EPHA6: variants seen among roughly 807,000 people sequenced by gnomAD.
The protein encoded by EPHA6 is ephrin type-A receptor 6.
Under a neutral mutation model 112.0 loss-of-function variants are expected in EPHA6, and 50 were observed. The observed-to-expected ratio is 0.45, with a 90% confidence interval of 0.36 to 0.56. The LOEUF (loss-of-function observed/expected upper bound fraction) is 0.56. EPHA6 is among the 20% of genes least tolerant of loss of function. EPHA6 has a pLI of 0.00. For missense variants in EPHA6, 1,280 were observed against 1,417.4 expected, an observed-to-expected ratio of 0.90 and a Z score of 1.56; for synonymous variants, 529 against 490.7, an observed-to-expected ratio of 1.08 and a Z score of -1.03.
At chr3:97,710,044 C>A (rs2873395) in intron 14 of EPHA6, among the ~76,000 whole-genome samples, 4 of 152,104 alleles carry the variant, frequency 2.6e-5, no homozygotes, top group East Asian at 1.9e-4. Flanking sequence ...ATTCTTTCAG[C>A]GAAAGTCTAC....
intron 12 of EPHA6, among the ~76,000 whole-genome samples, chr3:97,594,939 T>A (rs1025575022): frequency 1.3e-5 from 2 of 152,196 alleles, no homozygotes. Context: ...ATTTTCTGTA[T>A]CAGTCAAGAA....
At chr3:97,667,415 T>C (rs2030258086) in intron 14 of EPHA6, among the ~76,000 whole-genome samples, 1 of 152,208 alleles carries the variant, frequency 6.6e-6, no homozygotes, top group African/African-American at 2.4e-5. Flanking sequence ...ATTAATCTGA[T>C]GCTCTATAAT....
At chr3:97,250,251 A>G (rs577361526) in intron 5 of EPHA6, among the ~76,000 whole-genome samples, 17 of 152,332 alleles carry the variant, frequency 1.1e-4, no homozygotes, top group Non-Finnish European at 1.0e-4. Context: ...CTATACCTAC[A>G]TTTTCAACAA....
intron 10 of EPHA6, among the ~76,000 whole-genome samples, chr3:97,506,646 G>T (rs933581546): frequency 2.0e-5 from 3 of 152,130 alleles, no homozygotes; most frequent in African/African-American, 7.2e-5. Flanking sequence ...TTTTGGTTAG[G>T]ATTGTCTTGG....
At chr3:97,538,134 A>C (rs2092789153) in intron 11 of EPHA6, among the ~76,000 whole-genome samples, 1 of 152,190 alleles carries the variant, frequency 6.6e-6, no homozygotes. Context: ...TGTGGATTAC[A>C]TAGTGAAAGG....
chr3:97,546,033 T>C (rs2092942211), intron 11 of EPHA6, among the ~76,000 whole-genome samples: 1 of 152,236 alleles, frequency 6.6e-6, no homozygotes, highest in Non-Finnish European at 1.5e-5. Context: ...TGCCAGTCTG[T>C]GCTTTTAATT....
intron 7 of EPHA6, among the ~76,000 whole-genome samples, chr3:97,454,963 CTT>C (rs2090636331): frequency 6.6e-6 from 1 of 151,902 alleles, no homozygotes; most frequent in South Asian, 2.1e-4. Flanking sequence ...GTATATAAGA[CTT>C]TAATTTAAAG....
chr3:97,496,067 A>G (rs1456561154), intron 10 of EPHA6, among the ~76,000 whole-genome samples: 3 of 152,186 alleles, frequency 2.0e-5, no homozygotes, highest in Non-Finnish European at 2.9e-5. Context: ...CGAGGCAGGC[A>G]ATTATGATTT....
intron 3 of EPHA6, among the ~76,000 whole-genome samples, chr3:97,135,786 AAGT>A (rs1320336708): frequency 6.6e-6 from 1 of 151,780 alleles, no homozygotes; most frequent in Non-Finnish European, 1.5e-5. Flanking sequence ...TTGGCTATGT[AAGT>A]AAGTAAACTA....
intron 14 of EPHA6, among the ~76,000 whole-genome samples, chr3:97,684,808 T>C (rs1399444358): frequency 6.6e-6 from 1 of 152,158 alleles, no homozygotes; most frequent in African/African-American, 2.4e-5. Context: ...AATCATCAGA[T>C]ACGTAAAATT....
rs67777487 is a variant in EPHA6 at position 97,085,928 on chromosome 3, C to CATATATATATATATATATATATAT, written c.1114+97956_1114+97957insTATATATATATATATATATATATA. Among the ~76,000 whole-genome samples the CATATATATATATATATATATATAT allele has an allele frequency of 2.0e-3, 243 of 119,384 alleles. 11 individuals are homozygous for CATATATATATATATATATATATAT. The highest frequency in any genetic ancestry group is 8.7e-3 in the African/African-American group (194 of 22,250). The allele number at this position is 119,384 out of a possible 152,430, so 78.3% of individuals were successfully genotyped here. A position where few individuals can be genotyped will look rare whatever the true frequency, so the allele number is the denominator to read the frequency against. On this transcript the variant is annotated intron_variant, in intron 3 of 17. Coordinates refer to ENST00000389672, the MANE Select transcript of EPHA6 (RefSeq NM_001080448.3). ...TTGTGAGCTTTTATATATATGATGT[C>CATATATATATATATATATATATAT]ATATATATATATATATATATACACA...
At chr3:97,670,852 T>C (rs755655726) in intron 14 of EPHA6, among the ~76,000 whole-genome samples, 5 of 152,226 alleles carry the variant, frequency 3.3e-5, no homozygotes, top group Non-Finnish European at 7.3e-5. Flanking sequence ...TGTTAGCTTC[T>C]CTAATTTTTC....
chr3:97,145,686 AG>A (rs1350885827), intron 3 of EPHA6, among the ~76,000 whole-genome samples: 2 of 151,680 alleles, frequency 1.3e-5, no homozygotes, highest in Non-Finnish European at 3.0e-5. Flanking sequence ...TCTACTGCAT[AG>A]GTTTTTTATT....
At chr3:97,034,214 A>T (rs1047546473) in intron 3 of EPHA6, among the ~76,000 whole-genome samples, 1 of 151,952 alleles carries the variant, frequency 6.6e-6, no homozygotes, top group African/African-American at 2.4e-5. Context: ...AAATGAAAAT[A>T]TAGTAATTTT....
chr3:96,990,571 C>G (rs2043177545), intron 3 of EPHA6, among the ~76,000 whole-genome samples: 1 of 151,918 alleles, frequency 6.6e-6, no homozygotes, highest in South Asian at 2.1e-4. Context: ...ACATGTAAAA[C>G]TATTAACAAC....
chr3:96,917,748 G>GA (rs201710782), intron 2 of EPHA6, among the ~76,000 whole-genome samples: 28 of 147,414 alleles, frequency 1.9e-4, no homozygotes, highest in African/African-American at 5.0e-4. Context: ...CCCTGAAAGG[G>GA]AAAAAAAAAA....
chr3:96,895,774 G>C (rs764563643), intron 2 of EPHA6, among the ~76,000 whole-genome samples: 1 of 152,136 alleles, frequency 6.6e-6, no homozygotes, highest in Non-Finnish European at 1.5e-5. Context: ...GGCATCCCCT[G>C]GTTTATAGGT....
rs550515339 is a variant in EPHA6 at position 96,968,476 on chromosome 3, C to A, written c.451-18854C>A. 9.9e-5 allele frequency among the ~76,000 whole-genome samples: 15 copies of A among 151,614 alleles called. 1 individual carries two copies. Among genetic ancestry groups the A allele is most frequent in the African/African-American group, 3.6e-4 (15 of 41,420 alleles). On this transcript the variant is annotated intron_variant, in intron 2 of 17. Coordinates refer to ENST00000389672, the MANE Select transcript of EPHA6 (RefSeq NM_001080448.3). ...TTCATAAATATTTTTTGATAAAATT[C>A]TCATTTCTGTCTCTTAAGAATATTG...
chr3:97,188,300 A>G (rs1190033581), intron 3 of EPHA6, among the ~76,000 whole-genome samples: 2 of 152,140 alleles, frequency 1.3e-5, no homozygotes. Context: ...ATCTACATGT[A>G]TCAGCATGGA....
Sources: allele counts gnomAD v4.1 joint callset (sites outside exome capture counted in the v4.1 genomes callset), GRCh38; gene constraint gnomAD v4.1.1; transcripts MANE v1.5; gene names NCBI Gene and HGNC (gene_info 2026-07-23, HGNC 2026-07-21).